PHACTR2: variants seen among roughly 807,000 people sequenced by gnomAD.
PHACTR2 encodes the protein phosphatase and actin regulator 2, also known as chromosome 6 open reading frame 56.
PHACTR2 carries 30 observed loss-of-function variants against 76.0 expected under a neutral mutation model. That is an observed-to-expected ratio of 0.39 (90% confidence interval 0.30 to 0.54). PHACTR2 has a LOEUF of 0.54. PHACTR2 is among the 20% of genes least tolerant of loss of function. The probability of loss-of-function intolerance (pLI) is 0.61; values close to 1 mark genes in which losing one functional copy is unlikely to be tolerated. For synonymous variants in PHACTR2, 292 were observed against 292.5 expected (o/e 1.00, Z 0.02); for missense variants, 696 against 781.1 (o/e 0.89, Z 1.30).
At position 143,765,673 on chromosome 6, in the gene PHACTR2, C is replaced by A. The variant is rs779297717; in HGVS notation, c.1107C>A (p.Ser369Arg). 2 of 1,614,142 alleles carry A rather than the reference C, an allele frequency of 1.2e-6. No homozygotes were observed. Among genetic ancestry groups the A allele is most frequent in the South Asian group, 2.2e-5 (2 of 91,080 alleles). Residue 369 changes from serine to arginine, a missense_variant, in exon 6 of 13, where the codon AGC (serine) becomes AGA (arginine). Ser to Arg is a moderately radical substitution (Grantham distance 110). Coordinates refer to ENST00000440869, the MANE Select transcript of PHACTR2 (RefSeq NM_001100164.2). The surrounding 1 kb of genome is among the most constrained non-coding windows in gnomAD (Gnocchi z 4.1). The stretch of plus-strand genomic sequence containing the variant: ...CAGACACTCCAGTTGTCCTCGTCAG[C>A]GTTGGAGCTGACCTGCCCGTCTCTG... ...TASDTPVVLV[S>R]VGADLPVSAL...
chr6:143,579,096 G>T lies in PHACTR2; in HGVS notation c.217+41889G>T, dbSNP rs550703773. On this transcript the variant is annotated intron_variant, in intron 1 of 11. Transcript: ENST00000367584. The stretch of plus-strand genomic sequence containing the variant: ...TTTTTGTGTTTTTTGTAGAGATAGG[G>T]TTTTGCCATGTTGCCCAGGACGGTC... Among the ~76,000 whole-genome samples, 9 of 152,238 alleles carry T rather than the reference G, an allele frequency of 5.9e-5. No homozygotes were observed. In the South Asian group the frequency reaches 1.9e-3, roughly 32 times the overall value.
chr6:143,613,127 C>T (rs900447449), intron 1 of PHACTR2, among the ~76,000 whole-genome samples: 1 of 152,222 alleles, frequency 6.6e-6, no homozygotes, highest in Non-Finnish European at 1.5e-5. Context: ...CAGGCGCCTG[C>T]CCCCATGCCC....
chr6:143,818,474 G>A lies in PHACTR2; in HGVS notation c.1923-5200G>A, dbSNP rs541174613. Among the ~76,000 whole-genome samples the A allele has an allele frequency of 6.6e-6, 1 of 152,262 alleles. No individual in the cohort carries two copies. Among genetic ancestry groups the A allele is most frequent in the South Asian group, 2.1e-4 (1 of 4,828 alleles). On this transcript the variant is annotated intron_variant, in intron 12 of 12. Transcript: ENST00000440869. This position sits in a 1 kb window ranked among gnomAD's most constrained non-coding sequence, Gnocchi z 4.9. ...ATGAGGAAATAGATGCATAGCACTT[G>A]GACTTGTAAGCTCTGGTAAGTATTA...
At chr6:143,569,768 A>G (rs1466025336) in intron 1 of PHACTR2, among the ~76,000 whole-genome samples, 1 of 152,216 alleles carries the variant, frequency 6.6e-6, no homozygotes, top group Non-Finnish European at 1.5e-5. Context: ...CTTCTTTTAC[A>G]ATAACATTGG....
At position 143,662,665 on chromosome 6, in the gene PHACTR2, T is replaced by C. The variant is rs1041614208; in HGVS notation, c.14-49351T>C. On this transcript the variant is annotated intron_variant, in intron 1 of 11. Coordinates refer to the PHACTR2 transcript ENST00000305766. The surrounding 1 kb of genome is among the most constrained non-coding windows in gnomAD (Gnocchi z 4.7). ...CCTACTAGGGATGTTTCAGTTCTTA[T>C]GACTACCAGGCAGTTTTGTTTTTCA... Among the ~76,000 whole-genome samples, 5 of 152,364 alleles carry C rather than the reference T, an allele frequency of 3.3e-5. No individual in the cohort carries two copies. Among genetic ancestry groups the C allele is most frequent in the Admixed American group, 6.5e-5 (1 of 15,310 alleles).
chr6:143,564,196 CATATATATATATATATATATATATATAT>C lies in PHACTR2; in HGVS notation c.217+27002_217+27029del, dbSNP rs59017997. Among the ~76,000 whole-genome samples, 10 of 40,300 alleles carry C rather than the reference CATATATATATATATATATATATATATAT, an allele frequency of 2.5e-4. 2 individuals carry two copies. The highest frequency in any genetic ancestry group is 8.2e-4 in the Admixed American group (3 of 3,666). The allele number at this position is 40,300 out of a possible 152,430, so 26.4% of individuals were successfully genotyped here. ...ATGTGTGTGTGTATGTGTGTGTGTGCATATATATATATATATATATATATATATATATATATATATGTATGCCACTGCA... is the reference window on the plus strand; with the variant it reads ...ATGTGTGTGTGTATGTGTGTGTGTGCATATATATATATGTATGCCACTGCA... On this transcript the variant is annotated intron_variant, in intron 1 of 11. Transcript: ENST00000367584.
chr6:143,682,721 G>A (rs1678389856), intron 1 of PHACTR2, among the ~76,000 whole-genome samples: 1 of 151,852 alleles, frequency 6.6e-6, no homozygotes, highest in African/African-American at 2.4e-5. Flanking sequence ...AGTAGAAGTG[G>A]CAGTTGTGAG....
intron 1 of PHACTR2, among the ~76,000 whole-genome samples, chr6:143,665,098 C>T (rs1777011168): frequency 6.6e-6 from 1 of 152,166 alleles, no homozygotes; most frequent in Non-Finnish European, 1.5e-5. Context: ...CGCACCCAGC[C>T]TGGGTTCATT....
intron 1 of PHACTR2, among the ~76,000 whole-genome samples, chr6:143,569,652 G>A (rs1670139772): frequency 1.3e-5 from 2 of 152,130 alleles, no homozygotes; most frequent in African/African-American, 4.8e-5. Flanking sequence ...ATATTTTTAT[G>A]TGGAATATAG....
rs1442040462 is a variant in PHACTR2, at chr6:143,776,788, GA to G, written c.1590-539del. 6.6e-6 allele frequency among the ~76,000 whole-genome samples: 1 copy of G among 152,236 alleles called. No homozygotes were observed. Among genetic ancestry groups the G allele is most frequent in the Non-Finnish European group, 1.5e-5 (1 of 68,042 alleles). On this transcript the variant is annotated intron_variant, in intron 8 of 12. Transcript: ENST00000440869. The surrounding 1 kb of genome is among the most constrained non-coding windows in gnomAD (Gnocchi z 5.3). ...CATGACACTCCCCAGGTAGGTGAGC[GA>G]TCCAGTATGGTGGGAGCATGGCTCC...
At chr6:143,560,690 G>T (rs900663064) in intron 1 of PHACTR2, among the ~76,000 whole-genome samples, 6 of 152,138 alleles carry the variant, frequency 3.9e-5, no homozygotes, top group Non-Finnish European at 5.9e-5. Flanking sequence ...TGCCAAGAGA[G>T]GTCACCCAGA....
At position 143,772,551 on chromosome 6, in the gene PHACTR2, A is replaced by G. The variant is rs1562301682; in HGVS notation, c.1432+94A>G. 4.7e-6 allele frequency: 4 copies of G among 856,624 alleles called. No individual in the cohort carries two copies. The highest frequency in any genetic ancestry group is 3.1e-5 in the South Asian group (2 of 63,958). The allele number at this position is 856,624 out of a possible 1,614,324, so 53.1% of individuals were successfully genotyped here. Reference sequence around the variant, plus strand: ...ATAAAAGCCTCATTAGGAACCAGACATCTGATGTTTTCTTTCCCCTCATCC... The same window carrying G: ...ATAAAAGCCTCATTAGGAACCAGACGTCTGATGTTTTCTTTCCCCTCATCC... On this transcript the variant is annotated intron_variant, in intron 7 of 12. Coordinates refer to ENST00000440869, the MANE Select transcript of PHACTR2 (RefSeq NM_001100164.2). The surrounding 1 kb of genome is among the most constrained non-coding windows in gnomAD (Gnocchi z 5.4).
chr6:143,781,093 A>G (rs1421071933), intron 9 of PHACTR2, among the ~76,000 whole-genome samples: 2 of 152,218 alleles, frequency 1.3e-5, no homozygotes, highest in African/African-American at 2.4e-5. Flanking sequence ...AGCTTGGACT[A>G]CATAGGGACA....
At position 143,679,906 on chromosome 6, in the gene PHACTR2, C is replaced by T. The variant is rs767617090; in HGVS notation, c.46+1697C>T. On this transcript the variant is annotated intron_variant, in intron 1 of 12. Transcript: ENST00000440869. The surrounding 1 kb of genome is among the most constrained non-coding windows in gnomAD (Gnocchi z 4.6). ...TAATTCAGAGAAATATCTCACGGAA[C>T]GGTGTTATACTTAAATTGCAGGTCC... is the stretch of plus-strand genomic sequence containing the variant. Among the ~76,000 whole-genome samples, 6 of 152,142 alleles carry T rather than the reference C, an allele frequency of 3.9e-5. 1 individual carries two copies. Among genetic ancestry groups the T allele is most frequent in the South Asian group, 4.1e-4 (2 of 4,828 alleles).
At position 143,646,408 on chromosome 6, in the gene PHACTR2, A is replaced by T. The variant is rs1050241808; in HGVS notation, c.13+38086A>T. On this transcript the variant is annotated intron_variant, in intron 1 of 11. Coordinates refer to the PHACTR2 transcript ENST00000305766. This position sits in a 1 kb window ranked among gnomAD's most constrained non-coding sequence, Gnocchi z 4.1. Reference sequence around the variant, plus strand: ...AAAATAACTAAATTCAGTAGCTCTCAAATATCCATAGTATGAGTGACAGAC... The same window carrying T: ...AAAATAACTAAATTCAGTAGCTCTCTAATATCCATAGTATGAGTGACAGAC... Among the ~76,000 whole-genome samples the T allele has an allele frequency of 6.6e-6, 1 of 152,220 alleles. No homozygotes were observed. The highest frequency in any genetic ancestry group is 2.4e-5 in the African/African-American group (1 of 41,472).
intron 1 of PHACTR2, among the ~76,000 whole-genome samples, chr6:143,569,127 C>A (rs1244172301): frequency 6.6e-6 from 1 of 152,202 alleles, no homozygotes; most frequent in Non-Finnish European, 1.5e-5. Flanking sequence ...AAGTGTTGCA[C>A]TTTCTGGCCT....
chr6:143,746,876 A>G lies in PHACTR2; in HGVS notation c.215-2109A>G, dbSNP rs916104405. 4.6e-5 allele frequency among the ~76,000 whole-genome samples: 7 copies of G among 151,034 alleles called. No homozygotes were observed. In the East Asian group the frequency reaches 1.4e-3, roughly 29 times the overall value. ...ACTCTTTGCCCGGTTAACTTTTTTC[A>G]TTGAAATTACTAACCTTTAAGTGAG... On this transcript the variant is annotated intron_variant, in intron 2 of 12. Coordinates refer to ENST00000440869, the MANE Select transcript of PHACTR2 (RefSeq NM_001100164.2).
rs1778870572 is a variant in PHACTR2 at position 143,738,594 on chromosome 6, T to C, written c.215-10391T>C. ...ACAAAACCCCATCTCTTAAAAAAAA[T>C]ACAAAACAAAAATTAGCTGGGCATG... On this transcript the variant is annotated intron_variant, in intron 2 of 12. Coordinates refer to ENST00000440869, the MANE Select transcript of PHACTR2 (RefSeq NM_001100164.2). The surrounding 1 kb of genome is among the most constrained non-coding windows in gnomAD (Gnocchi z 4.0). 6.6e-6 allele frequency among the ~76,000 whole-genome samples: 1 copy of C among 150,944 alleles called. No individual in the cohort carries two copies. The highest frequency in any genetic ancestry group is 1.5e-5 in the Non-Finnish European group (1 of 67,724).
chr6:143,704,482 A>G (rs1777998349), intron 1 of PHACTR2, among the ~76,000 whole-genome samples: 1 of 152,180 alleles, frequency 6.6e-6, no homozygotes, highest in Non-Finnish European at 1.5e-5. Context: ...CCTAAGAAAA[A>G]AATCTTTATC....
Sources: gnomAD v4.1 joint callset for allele counts (sites outside exome capture counted in the v4.1 genomes callset) on GRCh38, gnomAD v4.1.1 for gene constraint, Gnocchi (gnomAD v3.1) non-coding constraint, MANE v1.5 for transcripts, NCBI Gene and HGNC (gene_info 2026-07-23, HGNC 2026-07-21) for gene names.